PLAAT1: variants seen among roughly 807,000 people sequenced by gnomAD.
The protein encoded by PLAAT1 is phospholipase A and acyltransferase 1.
PLAAT1 carries 13 observed loss-of-function variants against 16.4 expected under a neutral mutation model. The ratio of observed to expected loss-of-function variants is 0.79; its 90% CI spans 0.52 to 1.26. The LOEUF (loss-of-function observed/expected upper bound fraction) is 1.26, where lower values mean the gene tolerates loss of function less well. PLAAT1 is among the 50% of genes most tolerant of loss of function. The pLI, the probability that PLAAT1 is intolerant of heterozygous loss-of-function variation, is 0.00. For missense variants in PLAAT1, 218 were observed against 207.8 expected (o/e 1.05, Z -0.30); for synonymous variants, 73 against 78.4 (o/e 0.93, Z 0.36).
At chr3:193,252,614 G>A (rs956315285) in intron 1 of PLAAT1, among the ~76,000 whole-genome samples, 3 of 151,912 alleles carry the variant, frequency 2.0e-5, no homozygotes, top group African/African-American at 7.3e-5. Context: ...TATCAAGTCT[G>A]GGAACTCTTT....
chr3:193,245,643 T>C (rs1333771452), intron 1 of PLAAT1, among the ~76,000 whole-genome samples: 1 of 152,224 alleles, frequency 6.6e-6, no homozygotes, highest in African/African-American at 2.4e-5. Flanking sequence ...TAAACCAATT[T>C]GCATTCCCAC....
chr3:193,256,915 A>G (rs1026441742), intron 2 of PLAAT1, among the ~76,000 whole-genome samples: 2 of 152,178 alleles, frequency 1.3e-5, no homozygotes, highest in Non-Finnish European at 2.9e-5. Flanking sequence ...TTAGTTATCA[A>G]ATATTCTTTA....
chr3:193,252,135 A>G (rs887711253), intron 1 of PLAAT1, among the ~76,000 whole-genome samples: 3 of 152,150 alleles, frequency 2.0e-5, no homozygotes, highest in Admixed American at 6.5e-5. Context: ...GAAGCTTACA[A>G]TCATGGTGGA....
At chr3:193,254,107 A>G (rs1235700565) in intron 1 of PLAAT1, among the ~76,000 whole-genome samples, 1 of 152,188 alleles carries the variant, frequency 6.6e-6, no homozygotes. Context: ...AGATGCAAAC[A>G]TATTTGAGAG....
In PLAAT1 at chr3:193,255,631, CTTTG is replaced by C; in HGVS notation, c.1-18_1-15del. 6.3e-7 allele frequency: 1 copy of C among 1,585,198 alleles called. No individual in the cohort carries two copies. ...TGGCAAGTTGTATTAGCTAGCTCTT[CTTTG>C]TATTTGTCATTGCAGATGGCGTTTA... On this transcript the variant is annotated splice_polypyrimidine_tract_variant and intron_variant, in intron 1 of 3. Coordinates refer to ENST00000264735, the MANE Select transcript of PLAAT1 (RefSeq NM_020386.5).
intron 3 of PLAAT1, among the ~76,000 whole-genome samples, chr3:193,270,069 A>AATACACACACACACACACACACACAC (rs34199975): frequency 1.4e-5 from 2 of 147,878 alleles, no homozygotes; most frequent in African/African-American, 5.0e-5. Context: ...ACATCCCTGA[A>AATACACACACACACACACACACACAC]ACACACACAC....
intron 2 of PLAAT1, among the ~76,000 whole-genome samples, chr3:193,262,583 C>CA (rs1263289503): frequency 6.6e-6 from 1 of 151,928 alleles, no homozygotes; most frequent in Non-Finnish European, 1.5e-5. Flanking sequence ...AGATGCTCAG[C>CA]AAAAAACTGC....
intron 1 of PLAAT1, among the ~76,000 whole-genome samples, chr3:193,248,490 GT>G (rs1490721540): frequency 6.6e-6 from 1 of 151,856 alleles, no homozygotes; most frequent in African/African-American, 2.4e-5. Context: ...TTTGTTTTCT[GT>G]TTTCCTCTCT....
At chr3:193,253,572 G>T (rs924359918) in intron 1 of PLAAT1, among the ~76,000 whole-genome samples, 1 of 152,110 alleles carries the variant, frequency 6.6e-6, no homozygotes, top group Non-Finnish European at 1.5e-5. Context: ...ACTTGCAGCA[G>T]CTTTTTGAGA....
In PLAAT1 at chr3:193,241,423, G is replaced by A. The variant is rs1715739530; in HGVS notation, c.-111G>A. 1 of 1,231,836 alleles carries A rather than the reference G, an allele frequency of 8.1e-7. No homozygotes were observed. Among genetic ancestry groups the A allele is most frequent in the Non-Finnish European group, 1.0e-6 (1 of 988,054 alleles). The allele number at this position is 1,231,836 out of a possible 1,614,324, so 76.3% of individuals were successfully genotyped here. A position where few individuals can be genotyped will look rare whatever the true frequency, so the allele number is the denominator to read the frequency against. On this transcript the variant is annotated 5_prime_UTR_variant, in exon 1 of 4. Coordinates refer to ENST00000264735, the MANE Select transcript of PLAAT1 (RefSeq NM_020386.5). ...CGGGTGTCTCCCGGGTACAGATGGA[G>A]TCGTCCCGCGGCCGCCGGCGGCAAG...
At chr3:193,255,061 A>C (rs1716323644) in intron 1 of PLAAT1, among the ~76,000 whole-genome samples, 1 of 152,036 alleles carries the variant, frequency 6.6e-6, no homozygotes, top group South Asian at 2.1e-4. Context: ...GTTAGCATCC[A>C]CCCCTACCTC....
At chr3:193,272,311 C>T (rs1281134253), downstream of PLAAT1, among the ~76,000 whole-genome samples, 2 of 152,010 alleles carry the variant, frequency 1.3e-5, no homozygotes, top group Admixed American at 1.3e-4. Context: ...GGCGTGGTGG[C>T]GGGCGCCTAC....
chr3:193,253,272 G>A (rs542761120), intron 1 of PLAAT1, among the ~76,000 whole-genome samples: 84 of 152,192 alleles, frequency 5.5e-4, no homozygotes, highest in African/African-American at 2.0e-3. Flanking sequence ...AAATATGATA[G>A]ACTTTATGAA....
downstream of PLAAT1, chr3:193,279,556 A>T: frequency 1.2e-6 from 1 of 816,856 alleles, no homozygotes; most frequent in Non-Finnish European, 2.0e-6. Flanking sequence ...AATACCAGAT[A>T]TATCTTCAGA....
intron 1 of PLAAT1, among the ~76,000 whole-genome samples, chr3:193,250,756 A>G (rs575205847): frequency 6.6e-6 from 1 of 152,272 alleles, no homozygotes; most frequent in Non-Finnish European, 1.5e-5. Flanking sequence ...TAGAGTTATT[A>G]CTAAAGCAAG....
Position 193,270,604 on chromosome 3 carries a change from G to A in PLAAT1, c.406G>A (p.Ala136Thr). ...TTGTTTACTTCTTGTTTCCTTATAG[G>A]CCAACCGAGCGATAAGTACCGTTGA... is the stretch of plus-strand genomic sequence containing the variant. The part of the protein sequence containing the change: ...LRYGEGVSEQ[A>T]NRAISTVEFV... Residue 136 changes from alanine to threonine, a missense_variant and splice_region_variant, in exon 4 of 4, where the codon GCC becomes ACC. Coordinates refer to ENST00000264735, the MANE Select transcript of PLAAT1 (RefSeq NM_020386.5). The A allele has an allele frequency of 6.2e-7, 1 of 1,611,410 alleles. No individual in the cohort carries two copies. Among genetic ancestry groups the A allele is most frequent in the Non-Finnish European group, 8.5e-7 (1 of 1,178,486 alleles).
chr3:193,254,184 A>T (rs1716294402), intron 1 of PLAAT1, among the ~76,000 whole-genome samples: 1 of 152,206 alleles, frequency 6.6e-6, no homozygotes, highest in African/African-American at 2.4e-5. Context: ...TGGACAGCTT[A>T]CATTTGGCCA....
chr3:193,262,633 G>A (rs530319917), intron 2 of PLAAT1, among the ~76,000 whole-genome samples: 4 of 152,238 alleles, frequency 2.6e-5, no homozygotes, highest in African/African-American at 9.6e-5. Flanking sequence ...CTGTATCTAT[G>A]TTAGACACAC....
downstream of PLAAT1, chr3:193,275,350 T>C: frequency 6.3e-7 from 1 of 1,594,704 alleles, no homozygotes; most frequent in Non-Finnish European, 8.5e-7. Context: ...CAGGTCCCCC[T>C]GCAGCCAGGC....
Sources: allele counts gnomAD v4.1 joint callset (sites outside exome capture counted in the v4.1 genomes callset), GRCh38; gene constraint gnomAD v4.1.1; transcripts MANE v1.5; gene names NCBI Gene and HGNC (gene_info 2026-07-23, HGNC 2026-07-21).